FCN1: variants seen among roughly 807,000 people sequenced by gnomAD.
FCN1 encodes the protein ficolin 1.
In FCN1, 42 loss-of-function variants were observed where a neutral mutation model predicts 35.6. That is an observed-to-expected ratio of 1.18 (90% CI 0.92 to 1.53). The LOEUF (loss-of-function observed/expected upper bound fraction) is 1.53, where lower values mean the gene tolerates loss of function less well. Among genes scored for constraint, FCN1 ranks in the 40% most tolerant of loss-of-function variants. The probability of loss-of-function intolerance (pLI) is 0.00; values close to 1 mark genes in which losing one functional copy is unlikely to be tolerated. For synonymous variants in FCN1, 179 were observed against 169.8 expected (o/e 1.05, Z -0.42); for missense variants, 439 against 428.4 (o/e 1.02, Z -0.22).
In FCN1 at chr9:134,914,812, G is replaced by A. The variant is rs1336129448; in HGVS notation, c.218-3C>T. 6.2e-7 allele frequency: 1 copy of A among 1,610,704 alleles called. No homozygotes were observed. The highest frequency in any genetic ancestry group is 1.7e-5 in the Admixed American group (1 of 59,848). ...GGCTCCAGGGAGACCGCGTTCTCCT[G>A]AAAATTCCAAAGACATATCACTGAG... On this transcript the variant is annotated splice_region_variant and splice_polypyrimidine_tract_variant and intron_variant, in intron 2 of 8. Coordinates refer to ENST00000371806, the MANE Select transcript of FCN1 (RefSeq NM_002003.5).
intron 5 of FCN1, 89 bp from the exon 6 acceptor site, chr9:134,913,232 G>C: frequency 6.5e-7 from 1 of 1,537,200 alleles, no homozygotes; most frequent in Non-Finnish European, 8.9e-7. Context: ...GGAGGAGGAG[G>C]GCCACAGGCT....
At chr9:134,914,728 G>C (rs56329856) in intron 3 of FCN1, 28 bp downstream of exon 3, 13 of 1,580,222 alleles carry the variant, frequency 8.2e-6, no homozygotes, top group Non-Finnish European at 1.1e-5. Flanking sequence ...CCTGCTCAAG[G>C]CCTCCTCGCT....
Position 134,909,881 on chromosome 9 carries a change from A to G in FCN1, c.898T>C (p.Tyr300His). The G allele has an allele frequency of 6.2e-7, 1 of 1,614,160 alleles. No individual in the cohort carries two copies. The highest frequency in any genetic ancestry group is 8.5e-7 in the Non-Finnish European group (1 of 1,180,010). ...GLYLMGPHES[Y>H]ANGINWSAAK... Reference sequence around the variant, plus strand: ...GCACTCCAGTTGATACCATTGGCATAGCTCTCATGGGGTCCCATGAGGTAG... The same window carrying G: ...GCACTCCAGTTGATACCATTGGCATGGCTCTCATGGGGTCCCATGAGGTAG... Residue 300 changes from tyrosine (Y) to histidine (H), a missense_variant, in exon 9 of 9, where the codon TAT (tyrosine) becomes CAT (histidine). Coordinates refer to ENST00000371806, the MANE Select transcript of FCN1 (RefSeq NM_002003.5).
At position 134,914,811 on chromosome 9, in the gene FCN1, T is replaced by G; in HGVS notation, c.218-2A>C. The G allele has an allele frequency of 1.2e-6, 2 of 1,610,880 alleles. No homozygotes were observed. Among genetic ancestry groups the G allele is most frequent in the South Asian group, 2.2e-5 (2 of 90,526 alleles). On this transcript the variant is annotated splice_acceptor_variant, in intron 2 of 8. Coordinates refer to ENST00000371806, the MANE Select transcript of FCN1 (RefSeq NM_002003.5). LOFTEE classifies it high-confidence loss of function. The stretch of plus-strand genomic sequence containing the variant: ...GGGCTCCAGGGAGACCGCGTTCTCC[T>G]GAAAATTCCAAAGACATATCACTGA...
At position 134,905,783 on chromosome 9, in the gene FCN1, CGCTGCT is replaced by C. The variant is rs200871731; in HGVS notation, c.*4009_*4014del. Reference sequence around the variant, plus strand: ...ACAAGCGTGAGCCACCGCGCCTGGCCGCTGCTGCTGCTTCTTCTTCTTCTTCCTCTT... The same window carrying C: ...ACAAGCGTGAGCCACCGCGCCTGGCCGCTGCTTCTTCTTCTTCTTCCTCTT... On this transcript the variant is annotated 3_prime_UTR_variant, in exon 9 of 9. Coordinates refer to ENST00000371806, the MANE Select transcript of FCN1 (RefSeq NM_002003.5). 1.7e-5 allele frequency: 2 copies of C among 120,728 alleles called. No individual in the cohort carries two copies. Among genetic ancestry groups the C allele is most frequent in the African/African-American group, 1.3e-4 (2 of 15,824 alleles). 7.5% of individuals were successfully genotyped at this position (120,728 alleles called of 1,614,324 possible).
At position 134,909,734 on chromosome 9, in the gene FCN1, C is replaced by A; in HGVS notation, c.*64G>T. On this transcript the variant is annotated 3_prime_UTR_variant, in exon 9 of 9. Transcript: ENST00000371806. ...GGCTGGGGAAATGGGGTGACTTCCA[C>A]GACGCAGCGCTTGTGGGTGTGGCCT... The A allele has an allele frequency of 6.2e-7, 1 of 1,600,096 alleles. No homozygotes were observed. The highest frequency in any genetic ancestry group is 1.1e-5 in the South Asian group (1 of 90,202).
chr9:134,904,964 C>T lies in FCN1; in HGVS notation c.*4834G>A, dbSNP rs1237461997. 6.6e-6 allele frequency among the ~76,000 whole-genome samples: 1 copy of T among 151,998 alleles called. No homozygotes were observed. Among genetic ancestry groups the T allele is most frequent in the Non-Finnish European group, 1.5e-5 (1 of 68,000 alleles). The stretch of plus-strand genomic sequence containing the variant: ...ATACTAATAGCCATTTCTTGCAGGA[C>T]TTTAAATAAATGTATCATAGCATGG... On this transcript the variant is annotated 3_prime_UTR_variant, in exon 9 of 9. Transcript: ENST00000371806.
chr9:134,912,132 G>T (rs568086923), intron 7 of FCN1, among the ~76,000 whole-genome samples: 1 of 152,298 alleles, frequency 6.6e-6, no homozygotes, highest in Non-Finnish European at 1.5e-5. Context: ...GGCGAGCGTG[G>T]GCTCTCCATG....
Position 134,903,297 on chromosome 9 carries a change from C to T in FCN1, c.*6501G>A, listed in dbSNP as rs771562547. Among the ~76,000 whole-genome samples, 6 of 152,118 alleles carry T rather than the reference C, an allele frequency of 3.9e-5. No homozygotes were observed. Among genetic ancestry groups the T allele is most frequent in the Non-Finnish European group, 5.9e-5 (4 of 68,004 alleles). ...TATATATAGACTTTTCAGTAGACAA[C>T]AGCATAAAACATATTCTTTTCAAGT... is the stretch of plus-strand genomic sequence containing the variant. On this transcript the variant is annotated 3_prime_UTR_variant, in exon 9 of 9. Coordinates refer to ENST00000371806, the MANE Select transcript of FCN1 (RefSeq NM_002003.5).
chr9:134,913,848 G>A (rs1019124928), intron 4 of FCN1, among the ~76,000 whole-genome samples: 3 of 152,198 alleles, frequency 2.0e-5, no homozygotes, highest in Admixed American at 1.3e-4. Context: ...GTGGGCTGTG[G>A]CAGGCGCTGC....
intron 3 of FCN1, 131 bp downstream of exon 3, chr9:134,914,625 T>TTC: frequency 1.1e-6 from 1 of 907,494 alleles, no homozygotes; most frequent in Non-Finnish European, 1.7e-6. Context: ...GCCACTGTCT[T>TTC]TCTCTCTCTG....
chr9:134,905,346 C>T lies in FCN1; in HGVS notation c.*4452G>A, dbSNP rs1830929602. On this transcript the variant is annotated 3_prime_UTR_variant, in exon 9 of 9. Transcript: ENST00000371806. ...CCATGGCCAGGAAGAAGAGCACTGG[C>T]CCAAGAGGAGGAGGGCTTGATTTCT... Among the ~76,000 whole-genome samples, 1 of 152,184 alleles carries T rather than the reference C, an allele frequency of 6.6e-6. No individual in the cohort carries two copies. Among genetic ancestry groups the T allele is most frequent in the South Asian group, 2.1e-4 (1 of 4,818 alleles).
intron 1 of FCN1, 66 bp from the exon 2 acceptor site, chr9:134,916,527 G>A: frequency 4.1e-6 from 6 of 1,455,230 alleles, no homozygotes; most frequent in Non-Finnish European, 5.8e-6. Context: ...GAGGTTTTCT[G>A]CTCTGCTGGG....
At chr9:134,913,477 T>G (rs1306674463) in intron 5 of FCN1, 104 bp downstream of exon 5, 6 of 881,824 alleles carry the variant, frequency 6.8e-6, no homozygotes, top group African/African-American at 5.0e-5. Context: ...GGATGATAGG[T>G]GCAGACAGGG....
rs925221753 is a variant in FCN1, at chr9:134,906,048, G to C, written c.*3750C>G. 6.6e-6 allele frequency: 1 copy of C among 152,052 alleles called. No homozygotes were observed. Among genetic ancestry groups the C allele is most frequent in the Admixed American group, 6.7e-5 (1 of 14,938 alleles). The allele number at this position is 152,052 out of a possible 1,614,324, so 9.4% of individuals were successfully genotyped here. ...GCTCTGTTCCCCAGGCTGGAGTGCA[G>C]TGGCACGATCTCAGCTCACTGCAAC... is the stretch of plus-strand genomic sequence containing the variant. On this transcript the variant is annotated 3_prime_UTR_variant, in exon 9 of 9. Transcript: ENST00000371806.
intron 1 of FCN1, 74 bp downstream of exon 1, chr9:134,917,695 C>T: frequency 1.1e-6 from 1 of 936,896 alleles, no homozygotes; most frequent in Non-Finnish European, 1.8e-6. Context: ...AAAGGTTTTG[C>T]CTGGGACACC....
chr9:134,909,768 G>A lies in FCN1; in HGVS notation c.*30C>T, dbSNP rs758483750. 1.9e-6 allele frequency: 3 copies of A among 1,610,334 alleles called. No individual in the cohort carries two copies. The Admixed American group carries it at 5.0e-5, about 27-fold the overall frequency. On this transcript the variant is annotated 3_prime_UTR_variant, in exon 9 of 9. Transcript: ENST00000371806. ...GCTTGTGGGTGTGGCCTCCCCACTA[G>A]CAGGTGCATGTGGAGGGGTCCTGGC... is the stretch of plus-strand genomic sequence containing the variant.
intron 1 of FCN1, among the ~76,000 whole-genome samples, 177 bp downstream of exon 1, chr9:134,917,592 A>G (rs921135450): frequency 1.2e-4 from 18 of 152,016 alleles, no homozygotes; most frequent in African/African-American, 4.3e-4. Flanking sequence ...TCCCTCCATG[A>G]CCCTGGGCAA....
chr9:134,916,952 G>T (rs1262704554), intron 1 of FCN1, among the ~76,000 whole-genome samples: 4 of 152,174 alleles, frequency 2.6e-5, no homozygotes, highest in Non-Finnish European at 4.4e-5. Context: ...TCTGGAGAGG[G>T]GCAGTGTGGG....
Sources: gnomAD v4.1 joint callset for allele counts (sites outside exome capture counted in the v4.1 genomes callset) on GRCh38, gnomAD v4.1.1 for gene constraint, MANE v1.5 for transcripts, NCBI Gene and HGNC (gene_info 2026-07-23, HGNC 2026-07-21) for gene names.